Variants in COL24A1 observed in about 807,000 individuals in gnomAD.
The protein encoded by COL24A1 is collagen alpha-1(XXIV) chain.
In COL24A1, 224 loss-of-function variants were observed where a neutral mutation model predicts 253.9. That is an observed-to-expected ratio of 0.88 (90% CI 0.79 to 0.99). The LOEUF is 0.99. COL24A1 is among the 50% of genes least tolerant of loss of function. COL24A1 has a pLI of 0.00. For synonymous variants in COL24A1, 685 were observed against 673.7 expected (o/e 1.02, Z -0.26); for missense variants, 2,131 against 2,068.5 (o/e 1.03, Z -0.59).
At chr1:86,000,306 G>A (rs1249804700) in intron 19 of COL24A1, among the ~76,000 whole-genome samples, 1 of 151,958 alleles carries the variant, frequency 6.6e-6, no homozygotes, top group African/African-American at 2.4e-5. Flanking sequence ...TATAGATTTC[G>A]TTCTTCCCAA....
intron 1 of COL24A1, among the ~76,000 whole-genome samples, chr1:86,148,076 C>A (rs1234133904): frequency 6.6e-6 from 1 of 152,212 alleles, no homozygotes; most frequent in Admixed American, 6.5e-5. Flanking sequence ...AGGACCACTA[C>A]TCTAAAATAA....
At chr1:86,147,548 A>G (rs12130833) in intron 1 of COL24A1, among the ~76,000 whole-genome samples, 4,723 of 152,346 alleles carry the variant, frequency 0.031, 87 homozygotes, top group Non-Finnish European at 0.044. Context: ...ATTCTTATAT[A>G]TGGCATTATT....
chr1:86,014,704 C>G (rs1696843226), intron 19 of COL24A1, among the ~76,000 whole-genome samples: 2 of 152,150 alleles, frequency 1.3e-5, no homozygotes, highest in Non-Finnish European at 2.9e-5. Context: ...TTATTCCTCT[C>G]TCTTACAATT....
chr1:85,987,568 A>C, intron 20 of COL24A1, 33 bp downstream of exon 20: 1 of 1,579,872 alleles, frequency 6.3e-7, no homozygotes, highest in Non-Finnish European at 8.7e-7. Context: ...GATAACCATA[A>C]TTGTTTAGTC....
chr1:86,089,496 G>T (rs1317605446), intron 6 of COL24A1, among the ~76,000 whole-genome samples: 1 of 152,030 alleles, frequency 6.6e-6, no homozygotes, highest in East Asian at 1.9e-4. Flanking sequence ...GTCAAACTTC[G>T]CCTCAGTCCA....
At chr1:85,766,682 T>G (rs1269324422) in intron 53 of COL24A1, among the ~76,000 whole-genome samples, 3 of 152,206 alleles carry the variant, frequency 2.0e-5, no homozygotes, top group Non-Finnish European at 2.9e-5. Context: ...TAAACTTATT[T>G]GCATTTTTTT....
chr1:85,917,265 A>G (rs944192322), intron 24 of COL24A1, among the ~76,000 whole-genome samples: 2 of 152,238 alleles, frequency 1.3e-5, no homozygotes, highest in Non-Finnish European at 1.5e-5. Context: ...CAGAAGACAC[A>G]TGGGAATTAT....
At chr1:85,775,125 G>T (rs402885) in intron 53 of COL24A1, among the ~76,000 whole-genome samples, 138,951 of 152,212 alleles carry the variant, frequency 0.91, 63,820 homozygotes, top group Non-Finnish European at 0.96. Context: ...TATTTCGTTA[G>T]GTACCCAGTA....
chr1:85,972,943 G>A (rs1003456581), intron 20 of COL24A1, among the ~76,000 whole-genome samples: 1 of 152,188 alleles, frequency 6.6e-6, no homozygotes, highest in African/African-American at 2.4e-5. Context: ...ATTGTTTAGA[G>A]TCCTGAATTC....
Position 85,877,123 on chromosome 1 carries a change from T to C in COL24A1, c.3029A>G (p.Glu1010Gly), listed in dbSNP as rs370001199. The C allele has an allele frequency of 1.2e-6, 2 of 1,605,064 alleles. No homozygotes were observed. The highest frequency in any genetic ancestry group is 2.7e-5 in the African/African-American group (2 of 74,560). The part of the protein sequence containing the change: ...DVGPPGEMGM[E>G]GPPGTEGESG... ...AAGAACTAGCCACAAAAAATTTACC[T>C]CCATGCCCATTTCTCCAGGAGGTCC... is the stretch of plus-strand genomic sequence containing the variant. Residue 1010 changes from glutamate to glycine, a missense_variant and splice_region_variant, in exon 33 of 60, where the codon GAG (glutamate) becomes GGG (glycine). Transcript: ENST00000370571.
At chr1:85,825,016 G>C (rs7516136) in intron 43 of COL24A1, among the ~76,000 whole-genome samples, 9,016 of 151,136 alleles carry the variant, frequency 0.06, 936 homozygotes, top group African/African-American at 0.21. Context: ...CTGGTGTGCT[G>C]CACTCACTAA....
In COL24A1 at chr1:85,971,413, G is replaced by A. The variant is rs762525176; in HGVS notation, c.2365-20C>T. The stretch of plus-strand genomic sequence containing the variant: ...GAGTCCCTATAAAAGCAATATAAAT[G>A]CACACAATAGAAATTTTAGATCAAC... On this transcript the variant is annotated intron_variant, in intron 20 of 59. Coordinates refer to ENST00000370571, the MANE Select transcript of COL24A1 (RefSeq NM_152890.7). 6.3e-7 allele frequency: 1 copy of A among 1,584,334 alleles called. No homozygotes were observed. Among genetic ancestry groups the A allele is most frequent in the South Asian group, 1.1e-5 (1 of 87,926 alleles).
chr1:85,763,893 T>C (rs1667094915), intron 53 of COL24A1, among the ~76,000 whole-genome samples: 1 of 152,220 alleles, frequency 6.6e-6, no homozygotes, highest in South Asian at 2.1e-4. Context: ...CAAGATTCTC[T>C]TTTCACTTTA....
chr1:85,869,120 G>C (rs1323271781), intron 35 of COL24A1, among the ~76,000 whole-genome samples: 2 of 152,064 alleles, frequency 1.3e-5, no homozygotes, highest in African/African-American at 4.8e-5. Flanking sequence ...CCATTTGGTA[G>C]CTCTAGAATT....
chr1:86,140,073 C>T (rs1392756511), intron 2 of COL24A1, among the ~76,000 whole-genome samples: 2 of 152,156 alleles, frequency 1.3e-5, no homozygotes, highest in Admixed American at 6.5e-5. Context: ...GAGTATTCCC[C>T]TTCTTCTAAT....
chr1:85,770,702 TGAA>T (rs1375127503), intron 53 of COL24A1, among the ~76,000 whole-genome samples: 1 of 152,208 alleles, frequency 6.6e-6, no homozygotes. Flanking sequence ...TGATCTCTGC[TGAA>T]GAAGTGGCCC....
At chr1:85,775,065 A>G (rs1668391207) in intron 53 of COL24A1, among the ~76,000 whole-genome samples, 1 of 152,054 alleles carries the variant, frequency 6.6e-6, no homozygotes, top group Admixed American at 6.6e-5. Context: ...ATTCTGGTAC[A>G]TTGTGTCTTT....
intron 55 of COL24A1, among the ~76,000 whole-genome samples, chr1:85,758,885 T>C (rs1356048661): frequency 1.3e-5 from 2 of 152,162 alleles, no homozygotes; most frequent in African/African-American, 4.8e-5. Flanking sequence ...TACAATTCAG[T>C]TGTCTTTAGT....
At chr1:86,083,009 G>A (rs1418531950) in intron 7 of COL24A1, among the ~76,000 whole-genome samples, 1 of 151,938 alleles carries the variant, frequency 6.6e-6, no homozygotes, top group African/African-American at 2.4e-5. Context: ...TTTAAAGACA[G>A]TAAACTGGCC....
Sources: gnomAD v4.1 joint callset for allele counts (sites outside exome capture counted in the v4.1 genomes callset) on GRCh38, gnomAD v4.1.1 for gene constraint, MANE v1.5 for transcripts, NCBI Gene and HGNC (gene_info 2026-07-23, HGNC 2026-07-21) for gene names.